The following ANKS1B variants were observed in gnomAD, a reference collection of about 807,000 sequenced individuals.
The protein encoded by ANKS1B is ankyrin repeat and sterile alpha motif domain-containing protein 1B.
ANKS1B carries 36 observed loss-of-function variants against 148.3 expected under a neutral mutation model. The observed-to-expected ratio is 0.24, with a 90% CI of 0.19 to 0.32. The LOEUF (loss-of-function observed/expected upper bound fraction) is 0.32, where lower values mean the gene tolerates loss of function less well. Among genes scored for constraint, ANKS1B ranks in the 10% least tolerant of loss-of-function variants. The pLI, the probability that ANKS1B is intolerant of heterozygous loss-of-function variation, is 1.00. For missense variants in ANKS1B, 1,157 were observed against 1,542.6 expected (o/e 0.75, Z 4.19); for synonymous variants, 542 against 560.8 (o/e 0.97, Z 0.47).
At chr12:99,209,017 T>G (rs752468927) in intron 14 of ANKS1B, among the ~76,000 whole-genome samples, 5 of 152,184 alleles carry the variant, frequency 3.3e-5, no homozygotes, top group Non-Finnish European at 5.9e-5. Context: ...ATTACTCTCT[T>G]TATAACATGA....
At chr12:99,788,394 G>A (rs982012839) in intron 4 of ANKS1B, among the ~76,000 whole-genome samples, 12 of 152,136 alleles carry the variant, frequency 7.9e-5, no homozygotes, top group African/African-American at 2.9e-4. Flanking sequence ...TGCCTTGAAG[G>A]AAAGAACCCA....
At chr12:99,249,848 T>C (rs2074345673) in intron 12 of ANKS1B, among the ~76,000 whole-genome samples, 1 of 152,258 alleles carries the variant, frequency 6.6e-6, no homozygotes, top group South Asian at 2.1e-4. Flanking sequence ...CTTGTTGCTC[T>C]TGGAACCCTG....
intron 9 of ANKS1B, among the ~76,000 whole-genome samples, chr12:99,565,380 T>C (rs1203628320): frequency 6.6e-6 from 1 of 152,150 alleles, no homozygotes; most frequent in Non-Finnish European, 1.5e-5. Context: ...AGACAAGCCA[T>C]CCTTCTTCAA....
chr12:98,778,703 C>T (rs542062130), intron 24 of ANKS1B, among the ~76,000 whole-genome samples: 32 of 152,294 alleles, frequency 2.1e-4, no homozygotes, highest in African/African-American at 7.0e-4. Flanking sequence ...GTGGATCCTC[C>T]GTCCCTTCTG....
At chr12:99,631,580 A>G (rs972750637) in intron 9 of ANKS1B, among the ~76,000 whole-genome samples, 16 of 152,182 alleles carry the variant, frequency 1.1e-4, no homozygotes, top group African/African-American at 3.9e-4. Flanking sequence ...CTGAGGAACA[A>G]GGGAGTGGAA....
chr12:98,787,995 C>A (rs1175151919), intron 22 of ANKS1B, among the ~76,000 whole-genome samples: 1 of 151,474 alleles, frequency 6.6e-6, no homozygotes, highest in Non-Finnish European at 1.5e-5. Flanking sequence ...GAGAGCTCAG[C>A]AAACTTTCAG....
intron 10 of ANKS1B, among the ~76,000 whole-genome samples, chr12:99,468,752 A>T (rs2096181816): frequency 6.6e-6 from 1 of 152,162 alleles, no homozygotes; most frequent in Non-Finnish European, 1.5e-5. Context: ...ACCATCTCAC[A>T]CCAGTTAGAA....
At chr12:99,060,616 TTA>T (rs371433842) in intron 16 of ANKS1B, among the ~76,000 whole-genome samples, 18 of 144,024 alleles carry the variant, frequency 1.2e-4, no homozygotes, top group African/African-American at 2.8e-4. Flanking sequence ...ATATATGTGG[TTA>T]TATATATATA....
chr12:99,419,286 T>C (rs1392960718), intron 11 of ANKS1B, among the ~76,000 whole-genome samples: 3 of 152,224 alleles, frequency 2.0e-5, no homozygotes, highest in African/African-American at 7.2e-5. Context: ...ATTTCATTAA[T>C]AGTTGTAGGG....
chr12:99,462,277 C>T (rs992516607), intron 10 of ANKS1B, among the ~76,000 whole-genome samples: 1 of 152,216 alleles, frequency 6.6e-6, no homozygotes, highest in Non-Finnish European at 1.5e-5. Flanking sequence ...GGCCATGCCC[C>T]CTTCCAGGTG....
Position 99,634,224 on chromosome 12 carries a change from A to G in ANKS1B, c.1272+20843T>C, listed in dbSNP as rs561036085. ...CATGAATGGATTAATACATTCATCA[A>G]TTAATAGATGAATGAGTTAATGGAT... On this transcript the variant is annotated intron_variant, in intron 9 of 26. Transcript: ENST00000683438. 3.3e-5 allele frequency among the ~76,000 whole-genome samples: 5 copies of G among 152,230 alleles called. No homozygotes were observed. In the South Asian group the frequency reaches 1.0e-3, roughly 32 times the overall value.
chr12:99,258,051 T>A (rs1325694049), intron 12 of ANKS1B, among the ~76,000 whole-genome samples: 1 of 152,188 alleles, frequency 6.6e-6, no homozygotes, highest in Non-Finnish European at 1.5e-5. Flanking sequence ...GACATAATAC[T>A]TTGAAGCATA....
intron 12 of ANKS1B, among the ~76,000 whole-genome samples, chr12:99,284,506 C>T (rs561383296): frequency 9.9e-5 from 15 of 152,258 alleles, no homozygotes; most frequent in Admixed American, 2.6e-4. Flanking sequence ...TTAACAATCC[C>T]GAAAGCCATT....
At chr12:98,915,458 C>A (rs1313830385) in intron 17 of ANKS1B, among the ~76,000 whole-genome samples, 1 of 152,108 alleles carries the variant, frequency 6.6e-6, no homozygotes, top group Non-Finnish European at 1.5e-5. Flanking sequence ...TTCAAGCGAT[C>A]CTCCTGCCTC....
At chr12:99,465,249 T>C (rs1030803603) in intron 10 of ANKS1B, among the ~76,000 whole-genome samples, 102 of 152,054 alleles carry the variant, frequency 6.7e-4, no homozygotes, top group African/African-American at 2.4e-3. Flanking sequence ...TGCTGAGAGA[T>C]TTTGTCACCA....
chr12:99,520,463 T>C (rs1310894822), intron 9 of ANKS1B, among the ~76,000 whole-genome samples: 2 of 152,202 alleles, frequency 1.3e-5, no homozygotes, highest in African/African-American at 4.8e-5. Flanking sequence ...CTGTTATTTG[T>C]TATTTGTTTC....
intron 8 of ANKS1B, among the ~76,000 whole-genome samples, chr12:99,770,909 CG>C (rs1156855085): frequency 6.6e-6 from 1 of 152,034 alleles, no homozygotes; most frequent in Non-Finnish European, 1.5e-5. Flanking sequence ...GTCACAGGAA[CG>C]AAGAGTGGTG....
At chr12:99,475,692 A>G (rs2096307701) in intron 10 of ANKS1B, among the ~76,000 whole-genome samples, 1 of 151,848 alleles carries the variant, frequency 6.6e-6, no homozygotes, top group Non-Finnish European at 1.5e-5. Flanking sequence ...AATAACAAAG[A>G]AAGTATGAAA....
intron 11 of ANKS1B, among the ~76,000 whole-genome samples, chr12:99,433,585 A>C (rs1259753995): frequency 2.0e-5 from 3 of 152,158 alleles, no homozygotes; most frequent in Admixed American, 1.3e-4. Context: ...GGATGGGGTC[A>C]AGTTTTTAAG....
Sources: gnomAD v4.1 joint callset for allele counts (sites outside exome capture counted in the v4.1 genomes callset) on GRCh38, gnomAD v4.1.1 for gene constraint, MANE v1.5 for transcripts, NCBI Gene and HGNC (gene_info 2026-07-23, HGNC 2026-07-21) for gene names.